Variants in KLRF2 observed in about 807,000 individuals in gnomAD.
KLRF2 encodes the protein killer cell lectin like receptor F2, also known as killer cell lectin-like receptor subfamily F member 2.
Under a neutral mutation model 25.3 loss-of-function variants are expected in KLRF2, and 28 were observed. That is an observed-to-expected ratio of 1.11 (90% CI 0.82 to 1.52). The LOEUF (loss-of-function observed/expected upper bound fraction) is 1.52. KLRF2 is among the 40% of genes most tolerant of loss of function. The pLI is 0.00. For synonymous variants in KLRF2, 73 were observed against 85.0 expected, an observed-to-expected ratio of 0.86 and a Z score of 0.78; for missense variants, 265 against 245.8, an observed-to-expected ratio of 1.08 and a Z score of -0.52.
At chr12:9,890,108 A>C (rs941418315) in intron 3 of KLRF2, among the ~76,000 whole-genome samples, 1 of 152,188 alleles carries the variant, frequency 6.6e-6, no homozygotes, top group Admixed American at 6.5e-5. Flanking sequence ...AGATTATATT[A>C]AAGTAGTGAC....
intron 2 of KLRF2, among the ~76,000 whole-genome samples, chr12:9,885,953 T>C (rs1311517373): frequency 6.6e-6 from 1 of 152,124 alleles, no homozygotes; most frequent in African/African-American, 2.4e-5. Context: ...TTTAAAAATG[T>C]TCCTAAAATT....
At position 9,888,896 on chromosome 12, in the gene KLRF2, G is replaced by A. The variant is rs1862638705; in HGVS notation, c.217+116G>A. 5.4e-6 allele frequency: 3 copies of A among 552,716 alleles called. No homozygotes were observed. The East Asian group carries it at 8.7e-5, about 16-fold the overall frequency. The allele number at this position is 552,716 out of a possible 1,614,324, so 34.2% of individuals were successfully genotyped here. A position where few individuals can be genotyped will look rare whatever the true frequency, so the allele number is the denominator to read the frequency against. On this transcript the variant is annotated intron_variant, in intron 3 of 5. Coordinates refer to ENST00000535540, the MANE Select transcript of KLRF2 (RefSeq NM_001190765.1). ...AAGCCAACAGCACTGGTGGAGAAAG[G>A]TATGGGGCTGAAAAGGACATCCTCT...
chr12:9,886,218 T>C (rs1009719332), intron 2 of KLRF2, among the ~76,000 whole-genome samples: 1 of 152,168 alleles, frequency 6.6e-6, no homozygotes, highest in Non-Finnish European at 1.5e-5. Context: ...ACAATATGTG[T>C]GTTTCTATAA....
Position 9,884,968 on chromosome 12 carries a change from G to T in KLRF2, c.105G>T (p.Leu35=). ...FSLYPQYYCL[L]LIFGCIVILI... ...TATATCCACAATATTATTGTCTTCT[G>T]CTCATATTTGGATGCATTGTGATCC... The change falls in exon 2 of 6, where the codon CTG becomes CTT. Residue 35 remains leucine (L), a synonymous_variant. Coordinates refer to ENST00000535540, the MANE Select transcript of KLRF2 (RefSeq NM_001190765.1). 7.5e-7 allele frequency: 1 copy of T among 1,329,144 alleles called. No homozygotes were observed. Among genetic ancestry groups the T allele is most frequent in the Non-Finnish European group, 9.7e-7 (1 of 1,029,592 alleles). 82.3% of individuals were successfully genotyped at this position (1,329,144 alleles called of 1,614,324 possible). A position where few individuals can be genotyped will look rare whatever the true frequency, so the allele number is the denominator to read the frequency against.
chr12:9,888,054 C>CAAAAAAAAAA (rs59382110), intron 2 of KLRF2, among the ~76,000 whole-genome samples: 1 of 65,528 alleles, frequency 1.5e-5, no homozygotes, highest in East Asian at 4.6e-4. Context: ...GACCCTGTGT[C>CAAAAAAAAAA]AAAAAAAAAA....
intron 2 of KLRF2, among the ~76,000 whole-genome samples, chr12:9,888,256 C>T (rs570786170): frequency 1.7e-4 from 26 of 151,728 alleles, no homozygotes; most frequent in Non-Finnish European, 2.7e-4. Context: ...TTTCGGAAGC[C>T]GAGGCGGGCG....
rs753458186 is a variant in KLRF2, at chr12:9,893,545, A to C, written c.479+4A>C. The C allele has an allele frequency of 1.1e-4, 144 of 1,306,988 alleles. 1 individual carries two copies. Among genetic ancestry groups the C allele is most frequent in the Middle Eastern group, 9.0e-4 (5 of 5,546 alleles). 81.0% of individuals were successfully genotyped at this position (1,306,988 alleles called of 1,614,324 possible). A position where few individuals can be genotyped will look rare whatever the true frequency, so the allele number is the denominator to read the frequency against. On this transcript the variant is annotated splice_donor_region_variant and intron_variant, in intron 5 of 5. Transcript: ENST00000535540. ...AACACTTTTTAGTTCCAGAATTGTGAGTAGTTATTTGTAAGGGAGGGGTGC... is the reference window on the plus strand; with the variant it reads ...AACACTTTTTAGTTCCAGAATTGTGCGTAGTTATTTGTAAGGGAGGGGTGC...
At chr12:9,882,382 A>G (rs1868103837) in intron 1 of KLRF2, among the ~76,000 whole-genome samples, 1 of 152,186 alleles carries the variant, frequency 6.6e-6, no homozygotes, top group East Asian at 1.9e-4. Context: ...TATTATCTGA[A>G]GACTCAGATC....
At position 9,895,257 on chromosome 12, in the gene KLRF2, A is replaced by C. The variant is rs111379024; in HGVS notation, c.480-432A>C. ...TCTACTTACCTACAAAAAATTATTT[A>C]TGCTGCTATGTGGAGAATTAATAGA... On this transcript the variant is annotated intron_variant, in intron 5 of 5. Coordinates refer to ENST00000535540, the MANE Select transcript of KLRF2 (RefSeq NM_001190765.1). Among the ~76,000 whole-genome samples the C allele has an allele frequency of 9.6e-3, 1,463 of 152,366 alleles. 19 individuals carry two copies. Among genetic ancestry groups the C allele is most frequent in the African/African-American group, 0.034 (1,408 of 41,578 alleles).
At chr12:9,890,003 T>A (rs1330868183) in intron 3 of KLRF2, among the ~76,000 whole-genome samples, 1 of 152,156 alleles carries the variant, frequency 6.6e-6, no homozygotes, top group Non-Finnish European at 1.5e-5. Flanking sequence ...AATTGTATAA[T>A]AAATCTTCTT....
chr12:9,892,979 G>T, intron 3 of KLRF2, 41 bp from the exon 4 acceptor site: 1 of 1,445,780 alleles, frequency 6.9e-7, no homozygotes, highest in Non-Finnish European at 9.3e-7. Flanking sequence ...TTCCCTGTTG[G>T]CTGTAAAGTT....
intron 3 of KLRF2, among the ~76,000 whole-genome samples, chr12:9,890,181 T>C (rs891030984): frequency 6.6e-6 from 1 of 152,210 alleles, no homozygotes; most frequent in African/African-American, 2.4e-5. Flanking sequence ...TAAAGGCTCG[T>C]TTTGCTTAAC....
Position 9,884,999 on chromosome 12 carries a change from T to A in KLRF2, c.136T>A (p.Phe46Ile), listed in dbSNP as rs1271798925. Residue 46 changes from phenylalanine (F) to isoleucine (I), a missense_variant, in exon 2 of 6, where the codon TTC becomes ATC. Coordinates refer to ENST00000535540, the MANE Select transcript of KLRF2 (RefSeq NM_001190765.1). ...ATTTGGATGCATTGTGATCCTTATA[T>A]TCATTATGACAGGGATTGACCTGAA... The part of the protein sequence containing the change: ...LIFGCIVILI[F>I]IMTGIDLKFW... The A allele has an allele frequency of 7.5e-7, 1 of 1,328,694 alleles. No individual in the cohort carries two copies. Among genetic ancestry groups the A allele is most frequent in the Non-Finnish European group, 9.7e-7 (1 of 1,032,768 alleles). 82.3% of individuals were successfully genotyped at this position (1,328,694 alleles called of 1,614,324 possible).
At chr12:9,883,599 T>C (rs1028696319) in intron 1 of KLRF2, among the ~76,000 whole-genome samples, 1 of 152,246 alleles carries the variant, frequency 6.6e-6, no homozygotes, top group Non-Finnish European at 1.5e-5. Flanking sequence ...CCTTGATTGA[T>C]ATTTTCTCAT....
At chr12:9,889,656 GTGTGTA>G (rs1312494264) in intron 3 of KLRF2, among the ~76,000 whole-genome samples, 5 of 141,126 alleles carry the variant, frequency 3.5e-5, no homozygotes, top group African/African-American at 1.5e-4. Context: ...ATGTGTGTGT[GTGTGTA>G]TATATATGTA....
intron 2 of KLRF2, among the ~76,000 whole-genome samples, chr12:9,886,763 C>CAAAAAAAAAAAA (rs770999069): frequency 9.7e-6 from 1 of 103,506 alleles, no homozygotes; most frequent in Non-Finnish European, 1.9e-5. Flanking sequence ...CTATATCATG[C>CAAAAAAAAAAAA]AAAAAAAAAA....
intron 1 of KLRF2, among the ~76,000 whole-genome samples, chr12:9,882,056 G>T (rs895290897): frequency 6.6e-5 from 10 of 151,290 alleles, no homozygotes; most frequent in African/African-American, 2.4e-4. Flanking sequence ...TTTAATCTTC[G>T]TAAAAGCCCT....
chr12:9,885,496 G>A (rs2136995358), intron 2 of KLRF2, among the ~76,000 whole-genome samples: 1 of 151,954 alleles, frequency 6.6e-6, no homozygotes, highest in Non-Finnish European at 1.5e-5. Context: ...TTTTAAGGCT[G>A]TGAGCTCAAA....
intron 2 of KLRF2, 108 bp downstream of exon 2, chr12:9,885,140 A>AT: frequency 2.8e-6 from 1 of 361,596 alleles, no homozygotes. Context: ...AAACTGGCAT[A>AT]TGTCATATTA....
Sources: gnomAD v4.1 joint callset for allele counts (sites outside exome capture counted in the v4.1 genomes callset) on GRCh38, gnomAD v4.1.1 for gene constraint, MANE v1.5 for transcripts, NCBI Gene and HGNC (gene_info 2026-07-23, HGNC 2026-07-21) for gene names.